RASGRF1: variants seen among roughly 807,000 people sequenced by gnomAD.
The protein encoded by RASGRF1 is Ras protein specific guanine nucleotide releasing factor 1.
In RASGRF1, 40 loss-of-function variants were observed where a neutral mutation model predicts 138.7. The observed-to-expected ratio is 0.29, with a 90% confidence interval of 0.22 to 0.38. The LOEUF is 0.38. Among genes scored for constraint, RASGRF1 ranks in the 10% least tolerant of loss-of-function variants. The pLI is 1.00. For missense variants in RASGRF1, 1,108 were observed against 1,650.4 expected (o/e 0.67, Z 5.69); for synonymous variants, 614 against 663.2 (o/e 0.93, Z 1.14).
At chr15:79,012,412 A>T in intron 13 of RASGRF1, 1 of 1,103,260 alleles carries the variant, frequency 9.1e-7, no homozygotes, top group Non-Finnish European at 1.4e-6. Context: ...AGCATGCACT[A>T]CACTGCTTTC....
chr15:79,070,939 G>C (rs897547836), intron 1 of RASGRF1, among the ~76,000 whole-genome samples: 3 of 152,118 alleles, frequency 2.0e-5, no homozygotes, highest in Non-Finnish European at 4.4e-5. Context: ...CCATCTCGTG[G>C]GTGACTGGTG....
rs1330464855 is a variant in RASGRF1 at position 79,032,654 on chromosome 15, G to A, written c.959-338C>T. 6.6e-6 allele frequency among the ~76,000 whole-genome samples: 1 copy of A among 152,208 alleles called. No individual in the cohort carries two copies. The highest frequency in any genetic ancestry group is 3.2e-3 in the Middle Eastern group (1 of 316). On this transcript the variant is annotated intron_variant, in intron 6 of 26. Coordinates refer to ENST00000558480, the MANE Select transcript of RASGRF1 (RefSeq NM_001145648.3). This position sits in a 1 kb window ranked among gnomAD's most constrained non-coding sequence, Gnocchi z 4.5. ...CCCCCCAGCTGCCAGGAGTGCTGGT[G>A]GCCGATGGCTGTCAGCTGGGTCCCT... is the stretch of plus-strand genomic sequence containing the variant.
intron 4 of RASGRF1, among the ~76,000 whole-genome samples, chr15:79,047,558 A>G (rs2057371622): frequency 6.6e-6 from 1 of 152,232 alleles, no homozygotes; most frequent in Non-Finnish European, 1.5e-5. Context: ...AACATGGAAA[A>G]TTAGTTAATC....
intron 2 of RASGRF1, among the ~76,000 whole-genome samples, chr15:79,063,427 ATG>A (rs1176151309): frequency 6.6e-6 from 1 of 152,204 alleles, no homozygotes; most frequent in Non-Finnish European, 1.5e-5. Context: ...ATCAAACCAT[ATG>A]TCCATCATCC....
intron 24 of RASGRF1, among the ~76,000 whole-genome samples, chr15:78,976,586 C>CACACACACACA (rs1555450126): frequency 9.4e-6 from 1 of 106,276 alleles, no homozygotes; most frequent in South Asian, 2.9e-4. Flanking sequence ...ACACACACAC[C>CACACACACACA]CATCCGAAAT....
rs750097680 is a variant in RASGRF1 at position 78,998,134 on chromosome 15, G to C, written c.2928C>G (p.Leu976=). Residue 976 remains leucine, a synonymous_variant, in exon 19 of 27, where the codon CTC becomes CTG. Coordinates refer to ENST00000558480, the MANE Select transcript of RASGRF1 (RefSeq NM_001145648.3). ...FLEEVMHDPE[L]LTQERKAAAN... is the part of the protein sequence containing the mutation. ...CTGCAGCCTTCCGCTCCTGGGTCAG[G>C]AGCTCCGGGTCGTGCATGACTTCTT... 1 of 1,614,202 alleles carries C rather than the reference G, an allele frequency of 6.2e-7. No individual in the cohort carries two copies. Among genetic ancestry groups the C allele is most frequent in the South Asian group, 1.1e-5 (1 of 91,084 alleles).
chr15:79,052,528 A>G (rs1050189587), intron 3 of RASGRF1, among the ~76,000 whole-genome samples: 2 of 152,080 alleles, frequency 1.3e-5, no homozygotes, highest in Non-Finnish European at 2.9e-5. Context: ...GCACCATGCC[A>G]AGTGCCCCTT....
intron 22 of RASGRF1, among the ~76,000 whole-genome samples, chr15:78,988,839 G>GTTTTTTTTT (rs555940270): frequency 2.6e-4 from 33 of 127,098 alleles, no homozygotes; most frequent in African/African-American, 4.5e-4. Context: ...CTGGGAGGGA[G>GTTTTTTTTT]TTTTTTTTTT....
intron 14 of RASGRF1, chr15:79,005,164 C>G: frequency 1.0e-6 from 1 of 985,450 alleles, no homozygotes; most frequent in Non-Finnish European, 1.2e-6. Context: ...GGCAGAGAGG[C>G]AAGATGTACC....
chr15:79,083,467 T>C (rs1193457918), intron 1 of RASGRF1, among the ~76,000 whole-genome samples: 2 of 152,224 alleles, frequency 1.3e-5, no homozygotes, highest in Admixed American at 6.5e-5. Flanking sequence ...TGTGGATGCC[T>C]GCCTTGGTGC....
chr15:78,984,809 G>A (rs963865781), intron 23 of RASGRF1, 198 bp downstream of exon 23: 1 of 543,322 alleles, frequency 1.8e-6, no homozygotes. Context: ...TTACAGTCCA[G>A]GTCTCACTGC....
intron 22 of RASGRF1, 111 bp from the exon 23 acceptor site, chr15:78,985,315 G>T: frequency 1.7e-6 from 2 of 1,150,582 alleles, no homozygotes; most frequent in Non-Finnish European, 2.4e-6. Context: ...AGAAGGAATT[G>T]GAAAACTACG....
intron 20 of RASGRF1, among the ~76,000 whole-genome samples, chr15:78,995,219 AC>A (rs910025417): frequency 6.6e-6 from 1 of 150,914 alleles, no homozygotes; most frequent in Non-Finnish European, 1.5e-5. Flanking sequence ...GTGAGCCACC[AC>A]GCCTGGCCTC....
chr15:78,975,389 G>T (rs2055849910), intron 24 of RASGRF1, among the ~76,000 whole-genome samples: 1 of 129,182 alleles, frequency 7.7e-6, no homozygotes. Context: ...ACTGTGCTTT[G>T]TGATTAAAAA....
intron 21 of RASGRF1, among the ~76,000 whole-genome samples, chr15:78,990,846 G>A (rs1229812034): frequency 2.0e-5 from 3 of 152,206 alleles, no homozygotes; most frequent in Non-Finnish European, 2.9e-5. Context: ...CTCCTAGAGG[G>A]ACATATCAGG....
chr15:79,020,218 C>G, intron 10 of RASGRF1, 114 bp from the exon 11 acceptor site: 1 of 937,300 alleles, frequency 1.1e-6, no homozygotes, highest in African/African-American at 1.6e-5. Flanking sequence ...TGTATACACA[C>G]AGATGTATGG....
Position 79,006,639 on chromosome 15 carries a change from T to C in RASGRF1, c.1827-205A>G, listed in dbSNP as rs1034034238. 2.0e-5 allele frequency among the ~76,000 whole-genome samples: 3 copies of C among 152,232 alleles called. No individual in the cohort carries two copies. The highest frequency in any genetic ancestry group is 6.5e-5 in the Admixed American group (1 of 15,284). ...TAAAAACTCTCCATTATAAAACCCC[T>C]AGAAATACTGGAGAAGTATTACAAA... On this transcript the variant is annotated intron_variant, in intron 13 of 26. Coordinates refer to ENST00000558480, the MANE Select transcript of RASGRF1 (RefSeq NM_001145648.3). This position sits in a 1 kb window ranked among gnomAD's most constrained non-coding sequence, Gnocchi z 4.0.
intron 13 of RASGRF1, among the ~76,000 whole-genome samples, chr15:79,010,235 A>G (rs1170853144): frequency 1.3e-5 from 2 of 151,814 alleles, no homozygotes; most frequent in African/African-American, 4.8e-5. Context: ...ATGGGGTTTC[A>G]CTGTGTTGGC....
At chr15:79,029,763 C>A (rs1159625197) in intron 8 of RASGRF1, among the ~76,000 whole-genome samples, 1 of 152,034 alleles carries the variant, frequency 6.6e-6, no homozygotes, top group Admixed American at 6.6e-5. Flanking sequence ...GATAGGAAAA[C>A]CTTCTGTGCC....
Sources: gnomAD v4.1 joint callset for allele counts (sites outside exome capture counted in the v4.1 genomes callset) on GRCh38, gnomAD v4.1.1 for gene constraint, Gnocchi (gnomAD v3.1) non-coding constraint, MANE v1.5 for transcripts, NCBI Gene and HGNC (gene_info 2026-07-23, HGNC 2026-07-21) for gene names.